SULT1B1: variants seen among roughly 807,000 people sequenced by gnomAD.
SULT1B1 encodes sulfotransferase family 1B member 1.
In SULT1B1, 28 loss-of-function variants were observed where a neutral mutation model predicts 34.6. The observed-to-expected ratio is 0.81, with a 90% CI of 0.60 to 1.11. SULT1B1 has a LOEUF of 1.11. Ranked by LOEUF, SULT1B1 falls within the 50% of genes least tolerant of loss-of-function variation. The pLI is 0.00. For missense variants in SULT1B1, 374 were observed against 352.2 expected (o/e 1.06, Z -0.50); for synonymous variants, 147 against 110.2 (o/e 1.33, Z -2.09).
chr4:69,726,886 T>A lies in SULT1B1; in HGVS notation c.*202A>T, dbSNP rs11569728. The A allele has an allele frequency of 0.11, 49,868 of 433,692 alleles. 3,506 individuals are homozygous for A. The highest frequency in any genetic ancestry group is 0.19 in the Middle Eastern group (321 of 1,662). 26.9% of individuals were successfully genotyped at this position (433,692 alleles called of 1,614,324 possible). The stretch of plus-strand genomic sequence containing the variant: ...TTGTTACAAAAAGTTAACAATGAAC[T>A]TTAGCCTTAGAGAATTTGGAAACTC... On this transcript the variant is annotated 3_prime_UTR_variant, in exon 8 of 8. Coordinates refer to ENST00000310613, the MANE Select transcript of SULT1B1 (RefSeq NM_014465.4).
chr4:69,722,285 A>C lies in SULT1B1; in HGVS notation c.*4803T>G, dbSNP rs191687797. 1 of 152,130 alleles carries C rather than the reference A, an allele frequency of 6.6e-6. No individual in the cohort carries two copies. The highest frequency in any genetic ancestry group is 6.6e-5 in the Admixed American group (1 of 15,252). The allele number at this position is 152,130 out of a possible 1,614,324, so 9.4% of individuals were successfully genotyped here. ...TACAAAGTAAAACTAGAAAATGTGGAAATTATTTTATCTTGCTAGTGAAGA... is the reference window on the plus strand; with the variant it reads ...TACAAAGTAAAACTAGAAAATGTGGCAATTATTTTATCTTGCTAGTGAAGA... On this transcript the variant is annotated 3_prime_UTR_variant, in exon 8 of 8. Transcript: ENST00000310613.
In SULT1B1 at chr4:69,749,763, C is replaced by G. The variant is rs140573139; in HGVS notation, c.333G>C (p.Pro111=). Residue 111 remains proline, a synonymous_variant, in exon 4 of 8, where the codon CCG becomes CCC. Transcript: ENST00000310613. ...AGAAAGATTTAGGAAGAAGATCAGT[C>G]GGTAGATGTGTTTTCACAATCCGGG... ...PSPRIVKTHL[P]TDLLPKSFWE... 1 of 1,613,452 alleles carries G rather than the reference C, an allele frequency of 6.2e-7. No homozygotes were observed. Among genetic ancestry groups the G allele is most frequent in the African/African-American group, 1.3e-5 (1 of 74,874 alleles).
chr4:69,749,066 G>A (rs902249379), intron 4 of SULT1B1, among the ~76,000 whole-genome samples: 31 of 151,768 alleles, frequency 2.0e-4, no homozygotes, highest in East Asian at 1.9e-4. Flanking sequence ...TTGATAAAAC[G>A]AAAAACTAGC....
Position 69,744,000 on chromosome 4 carries a change from G to T in SULT1B1, c.375+5721C>A, listed in dbSNP as rs1180613534. On this transcript the variant is annotated intron_variant, in intron 4 of 7. Transcript: ENST00000310613. Reference sequence around the variant, plus strand: ...GCCCCCAAAAGCACAGGGAGCCCTGGGTCCATAGCCATTACTTGCGCTGCT... The same window carrying T: ...GCCCCCAAAAGCACAGGGAGCCCTGTGTCCATAGCCATTACTTGCGCTGCT... Among the ~76,000 whole-genome samples the T allele has an allele frequency of 2.6e-5, 4 of 152,236 alleles. No individual in the cohort carries two copies. In the East Asian group the frequency reaches 7.8e-4, roughly 30 times the overall value.
rs555624895 is a variant in SULT1B1, at chr4:69,721,543, G to A, written c.*5545C>T. On this transcript the variant is annotated 3_prime_UTR_variant, in exon 8 of 8. Coordinates refer to ENST00000310613, the MANE Select transcript of SULT1B1 (RefSeq NM_014465.4). ...TGTATGTTGATTAATGGTGAAATGG[G>A]GCATAATACTTAACCTTCAAAAGCC... is the stretch of plus-strand genomic sequence containing the variant. 6.6e-6 allele frequency: 1 copy of A among 152,040 alleles called. No individual in the cohort carries two copies. The highest frequency in any genetic ancestry group is 1.5e-5 in the Non-Finnish European group (1 of 67,936). The allele number at this position is 152,040 out of a possible 1,614,324, so 9.4% of individuals were successfully genotyped here.
intron 1 of SULT1B1, among the ~76,000 whole-genome samples, chr4:69,757,663 C>T (rs962705078): frequency 3.9e-5 from 6 of 152,058 alleles, no homozygotes; most frequent in East Asian, 1.9e-4. Context: ...ATGTGTATTA[C>T]GTAACATATT....
Position 69,727,206 on chromosome 4 carries a change from G to C in SULT1B1, c.779-6C>G. Reference sequence around the variant, plus strand: ...CTTCCAGTCACCAGCCGTCCCTAAAGGTAAATAAAAAAACATAGGAAAGAA... The same window carrying C: ...CTTCCAGTCACCAGCCGTCCCTAAACGTAAATAAAAAAACATAGGAAAGAA... On this transcript the variant is annotated splice_polypyrimidine_tract_variant and splice_region_variant and intron_variant, in intron 7 of 7. Coordinates refer to ENST00000310613, the MANE Select transcript of SULT1B1 (RefSeq NM_014465.4). 1.9e-6 allele frequency: 3 copies of C among 1,593,044 alleles called. No individual in the cohort carries two copies. The highest frequency in any genetic ancestry group is 1.7e-6 in the Non-Finnish European group (2 of 1,171,432).
chr4:69,730,497 T>C lies in SULT1B1; in HGVS notation c.778+4A>G. On this transcript the variant is annotated splice_donor_region_variant and intron_variant, in intron 7 of 7. Coordinates refer to ENST00000310613, the MANE Select transcript of SULT1B1 (RefSeq NM_014465.4). ...AGGGAAATTAAACCCAGCAAAGTAT[T>C]TACCTTTACGCATAAAAGGGGATTT... The C allele has an allele frequency of 6.3e-7, 1 of 1,595,674 alleles. No homozygotes were observed.
Position 69,721,333 on chromosome 4 carries a change from A to G in SULT1B1, c.*5755T>C, listed in dbSNP as rs1294018216. 6.6e-6 allele frequency: 1 copy of G among 152,154 alleles called. No individual in the cohort carries two copies. The highest frequency in any genetic ancestry group is 2.4e-5 in the African/African-American group (1 of 41,464). 9.4% of individuals were successfully genotyped at this position (152,154 alleles called of 1,614,324 possible). On this transcript the variant is annotated 3_prime_UTR_variant, in exon 8 of 8. Transcript: ENST00000310613. ...TGTGAAGACAGCTTACATAATAAAA[A>G]CAATTTATACATGGGTCATTGATAA...
intron 4 of SULT1B1, among the ~76,000 whole-genome samples, chr4:69,742,441 G>A (rs1226639850): frequency 1.3e-5 from 2 of 152,152 alleles, no homozygotes; most frequent in African/African-American, 4.8e-5. Context: ...TAGTAGGATT[G>A]GTATTAGTTC....
chr4:69,737,954 G>A (rs769012575), intron 4 of SULT1B1, among the ~76,000 whole-genome samples: 21 of 152,106 alleles, frequency 1.4e-4, no homozygotes, highest in African/African-American at 3.6e-4. Context: ...AAATGATTTC[G>A]TCACCCAGGT....
In SULT1B1 at chr4:69,743,708, G is replaced by A. The variant is rs539401908; in HGVS notation, c.375+6013C>T. On this transcript the variant is annotated intron_variant, in intron 4 of 7. Transcript: ENST00000310613. ...GTGCCCAAAGTCCAGAGGGGACCCA[G>A]GGGGCTGGTGTGTCAGAGCTGTCCC... 2.0e-5 allele frequency among the ~76,000 whole-genome samples: 3 copies of A among 152,286 alleles called. No individual in the cohort carries two copies. In the East Asian group the frequency reaches 5.8e-4, roughly 29 times the overall value.
At chr4:69,752,181 T>C (rs1191912707) in intron 3 of SULT1B1, among the ~76,000 whole-genome samples, 4 of 152,194 alleles carry the variant, frequency 2.6e-5, no homozygotes, top group African/African-American at 7.2e-5. Flanking sequence ...AAGTAAAAAA[T>C]GTTGAGTATT....
intron 1 of SULT1B1, 73 bp from the exon 2 acceptor site, chr4:69,755,334 C>T (rs1397421470): frequency 5.7e-6 from 7 of 1,222,300 alleles, no homozygotes; most frequent in Non-Finnish European, 8.0e-6. Flanking sequence ...CAATTTGTCA[C>T]AAAGTAAAAT....
At chr4:69,759,719 C>T (rs941836465) in intron 1 of SULT1B1, among the ~76,000 whole-genome samples, 28 of 152,090 alleles carry the variant, frequency 1.8e-4, no homozygotes, top group African/African-American at 6.8e-4. Flanking sequence ...ATGACATTTA[C>T]TTTAAAATCT....
chr4:69,754,902 T>A (rs1481673849), intron 2 of SULT1B1, 104 bp from the exon 3 acceptor site: 4 of 1,384,736 alleles, frequency 2.9e-6, no homozygotes, highest in Admixed American at 2.1e-5. Context: ...TATTACAAAC[T>A]TAATTCCCCT....
chr4:69,727,900 A>G (rs1161851800), intron 7 of SULT1B1, among the ~76,000 whole-genome samples: 3 of 152,066 alleles, frequency 2.0e-5, no homozygotes, highest in African/African-American at 7.2e-5. Flanking sequence ...CTTTTAATGT[A>G]CTGCCAATAT....
At chr4:69,734,828 C>T (rs964225508) in intron 4 of SULT1B1, among the ~76,000 whole-genome samples, 117 of 135,644 alleles carry the variant, frequency 8.6e-4, no homozygotes, top group Middle Eastern at 3.7e-3. Context: ...CTTCGCTACT[C>T]TTTTTTTTTT....
intron 4 of SULT1B1, among the ~76,000 whole-genome samples, chr4:69,748,850 A>G (rs999939964): frequency 6.6e-6 from 1 of 152,154 alleles, no homozygotes; most frequent in African/African-American, 2.4e-5. Context: ...GTGGGATGCA[A>G]CTAAAGCTTT....
Sources: allele counts gnomAD v4.1 joint callset (sites outside exome capture counted in the v4.1 genomes callset), GRCh38; gene constraint gnomAD v4.1.1; transcripts MANE v1.5; gene names NCBI Gene and HGNC (gene_info 2026-07-23, HGNC 2026-07-21).